JPT2: variants seen among roughly 807,000 people sequenced by gnomAD.
JPT2 encodes the protein CRAMP_1 like.
Under a neutral mutation model 15.9 loss-of-function variants are expected in JPT2, and 9 were observed. That is an observed-to-expected ratio of 0.57 (90% confidence interval 0.34 to 0.99). The LOEUF (loss-of-function observed/expected upper bound fraction) is 0.99, where lower values mean the gene tolerates loss of function less well. JPT2 is among the 50% of genes least tolerant of loss of function. The pLI is 0.02. For synonymous variants in JPT2, 95 were observed against 91.7 expected (o/e 1.04, Z -0.21); for missense variants, 267 against 252.1 (o/e 1.06, Z -0.40).
intron 3 of JPT2, among the ~76,000 whole-genome samples, chr16:1,693,755 A>C (rs1480142451): frequency 6.6e-6 from 1 of 151,762 alleles, no homozygotes; most frequent in African/African-American, 2.4e-5. Context: ...CAGGGAATAT[A>C]CAAAATAAGC....
chr16:1,691,165 C>T (rs2037101321), intron 2 of JPT2, among the ~76,000 whole-genome samples: 1 of 152,208 alleles, frequency 6.6e-6, no homozygotes, highest in Non-Finnish European at 1.5e-5. Flanking sequence ...CACAGGGTAG[C>T]CATCTTTCTG....
Position 1,693,701 on chromosome 16 carries a change from C to T in JPT2, c.336+1716C>T, listed in dbSNP as rs1305624615. Among the ~76,000 whole-genome samples the T allele has an allele frequency of 4.6e-5, 7 of 151,740 alleles. No homozygotes were observed. In the East Asian group the frequency reaches 1.4e-3, roughly 29 times the overall value. ...GTTCTTTTGGTCCAGGACCATTGGA[C>T]ATCGCTAGCATCACCAGAGAAATGA... On this transcript the variant is annotated intron_variant, in intron 3 of 4. Transcript: ENST00000248098.
intron 1 of JPT2, among the ~76,000 whole-genome samples, chr16:1,679,324 G>A (rs569972517): frequency 6.6e-6 from 1 of 152,306 alleles, no homozygotes; most frequent in East Asian, 1.9e-4. Flanking sequence ...CAGCCTTTTG[G>A]CTATGATCAA....
intron 2 of JPT2, among the ~76,000 whole-genome samples, chr16:1,687,635 G>A (rs1254272423): frequency 6.6e-6 from 1 of 152,200 alleles, no homozygotes; most frequent in Non-Finnish European, 1.5e-5. Flanking sequence ...GCCCCTTGCG[G>A]TTAGTGAGCC....
At chr16:1,678,608 C>A (rs1317280301) in intron 1 of JPT2, among the ~76,000 whole-genome samples, 1 of 152,142 alleles carries the variant, frequency 6.6e-6, no homozygotes, top group Non-Finnish European at 1.5e-5. Context: ...CGGGGAGGGG[C>A]GCCCGGGCTC....
At chr16:1,687,821 T>C (rs1159948635) in intron 2 of JPT2, among the ~76,000 whole-genome samples, 2 of 152,336 alleles carry the variant, frequency 1.3e-5, no homozygotes, top group East Asian at 1.9e-4. Context: ...CTGCTAGTTG[T>C]GTTCACCACC....
At position 1,691,773 on chromosome 16, in the gene JPT2, C is replaced by G; in HGVS notation, c.194-70C>G. 5.7e-6 allele frequency: 8 copies of G among 1,415,520 alleles called. 1 individual carries two copies. The South Asian group carries it at 1.0e-4, about 18-fold the overall frequency. The allele number at this position is 1,415,520 out of a possible 1,614,324, so 87.7% of individuals were successfully genotyped here. A position where few individuals can be genotyped will look rare whatever the true frequency, so the allele number is the denominator to read the frequency against. On this transcript the variant is annotated intron_variant, in intron 2 of 4. Coordinates refer to ENST00000248098, the MANE Select transcript of JPT2 (RefSeq NM_144570.3). ...CCTATGAGAGGAGGTCTCCAAAGCA[C>G]TGCGGGGGTGGGGTGGGGTGGGGTC... is the stretch of plus-strand genomic sequence containing the variant.
chr16:1,679,641 G>A (rs963932932), intron 1 of JPT2, among the ~76,000 whole-genome samples: 8 of 150,108 alleles, frequency 5.3e-5, no homozygotes, highest in African/African-American at 2.0e-4. Flanking sequence ...AGGTGGCAGC[G>A]AGCCAAGATA....
intron 1 of JPT2, chr16:1,683,429 C>T: frequency 3.2e-6 from 3 of 924,654 alleles, no homozygotes; most frequent in South Asian, 3.0e-5. Context: ...CTCATTTAAG[C>T]TTGGTTATTG....
chr16:1,696,863 A>G (rs1045530752), intron 3 of JPT2, among the ~76,000 whole-genome samples: 2 of 152,212 alleles, frequency 1.3e-5, no homozygotes, highest in African/African-American at 4.8e-5. Context: ...GCCCTCGTGC[A>G]TTGCTAGTGG....
intron 1 of JPT2, among the ~76,000 whole-genome samples, chr16:1,685,069 G>A (rs2037054413): frequency 1.3e-5 from 2 of 152,224 alleles, no homozygotes; most frequent in African/African-American, 4.8e-5. Flanking sequence ...GCTCATACCT[G>A]TAATCACAGC....
Position 1,698,005 on chromosome 16 carries a change from A to C in JPT2, c.385+145A>C, listed in dbSNP as rs2037154892. 2 of 703,276 alleles carry C rather than the reference A, an allele frequency of 2.8e-6. No homozygotes were observed. Among genetic ancestry groups the C allele is most frequent in the Admixed American group, 5.2e-5 (2 of 38,404 alleles). 43.6% of individuals were successfully genotyped at this position (703,276 alleles called of 1,614,324 possible). ...AAACGAGCTCAGGTGTATCCACTGC[A>C]AGAGGATTCAGCATTTGAAGAAGGC... is the stretch of plus-strand genomic sequence containing the variant. On this transcript the variant is annotated intron_variant, in intron 4 of 4. Transcript: ENST00000248098. This position sits in a 1 kb window ranked among gnomAD's most constrained non-coding sequence, Gnocchi z 4.9.
chr16:1,694,044 T>G (rs186681861), intron 3 of JPT2, among the ~76,000 whole-genome samples: 367 of 152,262 alleles, frequency 2.4e-3, no homozygotes, highest in African/African-American at 8.5e-3. Context: ...AAGGGGGCAT[T>G]TAGCCAGCAT....
At chr16:1,683,388 G>A (rs2037039825) in intron 1 of JPT2, 5 of 667,660 alleles carry the variant, frequency 7.5e-6, no homozygotes, top group Middle Eastern at 3.3e-4. Context: ...TGGGATTACA[G>A]GTGCCAGGTA....
chr16:1,691,411 A>G (rs183826041), intron 2 of JPT2, among the ~76,000 whole-genome samples: 3 of 152,338 alleles, frequency 2.0e-5, no homozygotes, highest in Non-Finnish European at 2.9e-5. Flanking sequence ...TCCCTTGAAT[A>G]GGGCATGTTA....
chr16:1,701,248 T>C lies in JPT2; in HGVS notation c.*2250T>C, dbSNP rs753288187. 1 of 152,790 alleles carries C rather than the reference T, an allele frequency of 6.5e-6. No homozygotes were observed. Among genetic ancestry groups the C allele is most frequent in the Middle Eastern group, 3.4e-3 (1 of 294 alleles). The allele number at this position is 152,790 out of a possible 1,614,324, so 9.5% of individuals were successfully genotyped here. On this transcript the variant is annotated 3_prime_UTR_variant, in exon 5 of 5. Coordinates refer to ENST00000248098, the MANE Select transcript of JPT2 (RefSeq NM_144570.3). ...CATTGAGAAATGACTCGTCTCTGTA[T>C]TTGTATTAAGCCTTAACACTTTTCT...
chr16:1,698,037 G>A lies in JPT2; in HGVS notation c.385+177G>A, dbSNP rs2037155044. ...TTCAGCATTTGAAGAAGGCTAGGGT[G>A]AAACCCTGGGACTTGGTTGTCTTGC... On this transcript the variant is annotated intron_variant, in intron 4 of 4. Coordinates refer to ENST00000248098, the MANE Select transcript of JPT2 (RefSeq NM_144570.3). This position sits in a 1 kb window ranked among gnomAD's most constrained non-coding sequence, Gnocchi z 4.9. Among the ~76,000 whole-genome samples, 1 of 152,174 alleles carries A rather than the reference G, an allele frequency of 6.6e-6. No homozygotes were observed. Among genetic ancestry groups the A allele is most frequent in the South Asian group, 2.1e-4 (1 of 4,822 alleles).
chr16:1,687,985 C>T (rs1467815186), intron 2 of JPT2, among the ~76,000 whole-genome samples: 1 of 152,148 alleles, frequency 6.6e-6, no homozygotes, highest in Non-Finnish European at 1.5e-5. Context: ...TTATCAATTC[C>T]CATTCAGTGT....
downstream of JPT2, chr16:1,702,213 C>T: frequency 2.2e-6 from 1 of 452,688 alleles, no homozygotes; most frequent in Non-Finnish European, 4.4e-6. Flanking sequence ...CACCATTCTG[C>T]CTGCTAGATC....
Sources: allele counts gnomAD v4.1 joint callset (sites outside exome capture counted in the v4.1 genomes callset), GRCh38; gene constraint gnomAD v4.1.1; non-coding constraint Gnocchi (gnomAD v3.1); transcripts MANE v1.5; gene names NCBI Gene and HGNC (gene_info 2026-07-23, HGNC 2026-07-21).